The following ZNF441 variants were observed in gnomAD, a reference collection of about 807,000 sequenced individuals.
The protein encoded by ZNF441 is zinc finger protein 441.
ZNF441 carries 25 observed loss-of-function variants against 64.5 expected under a neutral mutation model. That is an observed-to-expected ratio of 0.39 (90% CI 0.28 to 0.54). ZNF441 has a LOEUF of 0.54. Among genes scored for constraint, ZNF441 ranks in the 20% least tolerant of loss-of-function variants. The pLI is 0.70. For synonymous variants in ZNF441, 262 were observed against 268.0 expected (o/e 0.98, Z 0.22); for missense variants, 715 against 843.3 (o/e 0.85, Z 1.88).
chr19:11,777,764 A>G, intron 2 of ZNF441, 27 bp downstream of exon 2: 1 of 1,590,410 alleles, frequency 6.3e-7, no homozygotes, highest in Non-Finnish European at 8.5e-7. Context: ...GTCTTCACTT[A>G]GTCAATTAGA....
intron 3 of ZNF441, among the ~76,000 whole-genome samples, chr19:11,779,328 A>G (rs866461540): frequency 0.016 from 2,351 of 149,468 alleles, 68 homozygotes; most frequent in African/African-American, 0.055. Flanking sequence ...CAAAAAAAAA[A>G]AAAAAAAAAG....
intron 1 of ZNF441, among the ~76,000 whole-genome samples, chr19:11,772,653 C>G (rs1975323618): frequency 6.6e-6 from 1 of 152,180 alleles, no homozygotes. Context: ...TGGCAGACTG[C>G]TTGAACCCAG....
At chr19:11,769,666 A>C (rs56933482) in intron 1 of ZNF441, among the ~76,000 whole-genome samples, 22,885 of 150,126 alleles carry the variant, frequency 0.15, 3,669 homozygotes, top group African/African-American at 0.39. Flanking sequence ...CTACTAAAGG[A>C]CTCTTTTTTT....
In ZNF441 at chr19:11,780,487, G is replaced by A; in HGVS notation, c.663G>A (p.Glu221=). ...TGCTTAGAAGAACTCACACTGAAGA[G>A]AAACCATATGAATATGAGCAGTGTT... The part of the protein sequence containing the change: ...FHMLRRTHTE[E]KPYEYEQCST... The change falls in exon 4 of 4, where the codon GAG becomes GAA. Residue 221 remains glutamate (E), a synonymous_variant. Transcript: ENST00000357901. 6.2e-7 allele frequency: 1 copy of A among 1,614,136 alleles called. No individual in the cohort carries two copies.
At chr19:11,773,466 G>A (rs1389194107) in intron 1 of ZNF441, among the ~76,000 whole-genome samples, 1 of 152,138 alleles carries the variant, frequency 6.6e-6, no homozygotes, top group Non-Finnish European at 1.5e-5. Context: ...ATTAAATCTA[G>A]TTGATTAATA....
rs1029465613 is a variant in ZNF441 at position 11,783,252 on chromosome 19, T to G, written c.*1346T>G. The stretch of plus-strand genomic sequence containing the variant: ...TTGAAACCACAATGAGATACTCTAC[T>G]TAGAATTGTTCTTACTAAAAAAGAT... On this transcript the variant is annotated 3_prime_UTR_variant, in exon 4 of 4. Coordinates refer to ENST00000357901, the MANE Select transcript of ZNF441 (RefSeq NM_152355.3). 2.6e-5 allele frequency: 4 copies of G among 152,144 alleles called. No homozygotes were observed. The highest frequency in any genetic ancestry group is 9.6e-5 in the African/African-American group (4 of 41,452). The allele number at this position is 152,144 out of a possible 1,614,324, so 9.4% of individuals were successfully genotyped here.
Position 11,780,958 on chromosome 19 carries a change from A to G in ZNF441, c.1134A>G (p.Leu378=), listed in dbSNP as rs751192667. The change falls in exon 4 of 4, where the codon TTA becomes TTG. Residue 378 remains leucine (L), a synonymous_variant. Coordinates refer to ENST00000357901, the MANE Select transcript of ZNF441 (RefSeq NM_152355.3). Reference sequence around the variant, plus strand: ...GGAAAGCCTTTGATTCTCCCAGTTTATGTCGAAGGCATGAAACAACTCATA... The same window carrying G: ...GGAAAGCCTTTGATTCTCCCAGTTTGTGTCGAAGGCATGAAACAACTCATA... ...VCGKAFDSPS[L]CRRHETTHTG... 1 of 1,613,772 alleles carries G rather than the reference A, an allele frequency of 6.2e-7. No individual in the cohort carries two copies. Among genetic ancestry groups the G allele is most frequent in the East Asian group, 2.2e-5 (1 of 44,810 alleles).
intron 1 of ZNF441, among the ~76,000 whole-genome samples, chr19:11,769,766 C>T (rs1975298583): frequency 1.3e-5 from 2 of 152,234 alleles, no homozygotes; most frequent in Middle Eastern, 3.4e-3. Context: ...ACCTCCGCCT[C>T]CTGGGTTCAA....
At chr19:11,775,239 C>A (rs922366386) in intron 1 of ZNF441, among the ~76,000 whole-genome samples, 16 of 152,222 alleles carry the variant, frequency 1.1e-4, no homozygotes, top group African/African-American at 3.9e-4. Flanking sequence ...AAATGAGGGC[C>A]TCCCCAGGTC....
chr19:11,771,573 T>G (rs1450337256), intron 1 of ZNF441, among the ~76,000 whole-genome samples: 1 of 152,230 alleles, frequency 6.6e-6, no homozygotes, highest in Non-Finnish European at 1.5e-5. Flanking sequence ...TCCAATATTA[T>G]AATAATCCTC....
chr19:11,767,881 C>T lies in ZNF441; in HGVS notation c.3+685C>T, dbSNP rs1320672495. ...CCTGACTCTTGGGGAGGCGGCCCCG[C>T]GAGGCAGCGGGGCTGAGGGCACCTG... On this transcript the variant is annotated intron_variant, in intron 1 of 3. Coordinates refer to ENST00000357901, the MANE Select transcript of ZNF441 (RefSeq NM_152355.3). The surrounding 1 kb of genome is among the most constrained non-coding windows in gnomAD (Gnocchi z 5.1). 3.3e-5 allele frequency among the ~76,000 whole-genome samples: 5 copies of T among 152,268 alleles called. No homozygotes were observed. Among genetic ancestry groups the T allele is most frequent in the Admixed American group, 6.5e-5 (1 of 15,300 alleles).
rs1192077842 is a variant in ZNF441, at chr19:11,783,670, G to A, written c.*1764G>A. The A allele has an allele frequency of 6.6e-6, 1 of 152,172 alleles. No individual in the cohort carries two copies. Among genetic ancestry groups the A allele is most frequent in the Non-Finnish European group, 1.5e-5 (1 of 68,018 alleles). The allele number at this position is 152,172 out of a possible 1,614,324, so 9.4% of individuals were successfully genotyped here. ...TGGTAAGTGAAATAAGCCAGGCACA[G>A]AAAGACAAATACCACATGTTCTCAC... is the stretch of plus-strand genomic sequence containing the variant. On this transcript the variant is annotated 3_prime_UTR_variant, in exon 4 of 4. Coordinates refer to ENST00000357901, the MANE Select transcript of ZNF441 (RefSeq NM_152355.3).
chr19:11,768,021 G>T (rs1975284769), intron 1 of ZNF441, among the ~76,000 whole-genome samples: 1 of 152,228 alleles, frequency 6.6e-6, no homozygotes, highest in South Asian at 2.1e-4. Context: ...GGGTTTGTGT[G>T]TGGGAGGAGT....
chr19:11,778,229 T>G, intron 2 of ZNF441, 101 bp from the exon 3 acceptor site: 1 of 804,348 alleles, frequency 1.2e-6, no homozygotes. Flanking sequence ...CAGCTGTAGT[T>G]TGGTGTGTGA....
rs1396786289 is a variant in ZNF441, at chr19:11,780,629, C to T, written c.805C>T (p.Leu269=). 5.0e-6 allele frequency: 8 copies of T among 1,613,764 alleles called. No homozygotes were observed. Among genetic ancestry groups the T allele is most frequent in the Non-Finnish European group, 6.8e-6 (8 of 1,179,986 alleles). The change falls in exon 4 of 4, where the codon CTA becomes TTA. Residue 269 remains leucine, a synonymous_variant. Transcript: ENST00000357901. Reference sequence around the variant, plus strand: ...CTTCAGTTGTTCCTGTTACACTCAACTATATGAAAGGACTCACACTGGAGA... The same window carrying T: ...CTTCAGTTGTTCCTGTTACACTCAATTATATGAAAGGACTCACACTGGAGA... The part of the protein sequence containing the change: ...KAFSCSCYTQ[L]YERTHTGEQS...
intron 2 of ZNF441, chr19:11,778,069 A>G: frequency 2.2e-6 from 1 of 448,366 alleles, no homozygotes; most frequent in Non-Finnish European, 4.0e-6. Context: ...TTCATAGAAA[A>G]TACAACATTA....
rs776835003 is a variant in ZNF441, at chr19:11,781,094, T to G, written c.1270T>G (p.Cys424Gly). 6.2e-7 allele frequency: 1 copy of G among 1,614,106 alleles called. No homozygotes were observed. Among genetic ancestry groups the G allele is most frequent in the South Asian group, 1.1e-5 (1 of 91,082 alleles). The part of the protein sequence containing the change: ...TGEKPYKCKQ[C>G]GKAFICCTYL... ...AGAGAAGCCATATAAATGTAAACAA[T>G]GTGGAAAAGCCTTCATTTGTTGCAC... is the stretch of plus-strand genomic sequence containing the variant. Residue 424 changes from cysteine (C) to glycine (G), a missense_variant, in exon 4 of 4, where the codon TGT becomes GGT. Cys to Gly is a radical substitution (Grantham distance 159). Coordinates refer to ENST00000357901, the MANE Select transcript of ZNF441 (RefSeq NM_152355.3).
At chr19:11,770,796 C>A (rs879375712) in intron 1 of ZNF441, among the ~76,000 whole-genome samples, 2 of 151,886 alleles carry the variant, frequency 1.3e-5, no homozygotes, top group Non-Finnish European at 2.9e-5. Context: ...ACCATGTTGC[C>A]GAGGCTGGTC....
Position 11,780,296 on chromosome 19 carries a change from A to C in ZNF441, c.472A>C (p.Ile158Leu), listed in dbSNP as rs202095425. ...TTTCAGTTATCAGCCCTGCTTTCAAATACATGAAAGACCTCAGCATGGAAA... is the reference window on the plus strand; with the variant it reads ...TTTCAGTTATCAGCCCTGCTTTCAACTACATGAAAGACCTCAGCATGGAAA... ...TAFSYQPCFQ[I>L]HERPQHGKKL... is the part of the protein sequence containing the mutation. Residue 158 changes from isoleucine to leucine, a missense_variant, in exon 4 of 4, where the codon ATA becomes CTA. Physicochemically the swap from Ile to Leu is conservative, Grantham distance 5 (BLOSUM62 2). Around this residue, in one of 2 missense-constraint regions of ZNF441, gnomAD observed 399 missense variants for 413.9 expected, o/e 0.96. Transcript: ENST00000357901. 6.2e-7 allele frequency: 1 copy of C among 1,614,214 alleles called. No individual in the cohort carries two copies. The highest frequency in any genetic ancestry group is 8.5e-7 in the Non-Finnish European group (1 of 1,180,054).
Sources: gnomAD v4.1 joint callset for allele counts (sites outside exome capture counted in the v4.1 genomes callset) on GRCh38, gnomAD v4.1.1 for gene constraint, gnomAD v4.1.1 regional missense constraint, Gnocchi (gnomAD v3.1) non-coding constraint, MANE v1.5 for transcripts, NCBI Gene and HGNC (gene_info 2026-07-23, HGNC 2026-07-21) for gene names.